TMPRSS2: variants seen among roughly 807,000 people sequenced by gnomAD.
TMPRSS2 encodes transmembrane serine protease 2, also known as transmembrane protease serine 2.
TMPRSS2 carries 59 observed loss-of-function variants against 67.4 expected under a neutral mutation model. The observed-to-expected ratio is 0.88, with a 90% CI of 0.71 to 1.09. The LOEUF (loss-of-function observed/expected upper bound fraction) is 1.09. Among genes scored for constraint, TMPRSS2 ranks in the 50% least tolerant of loss-of-function variants. The probability of loss-of-function intolerance (pLI) is 0.00; values close to 1 mark genes in which losing one functional copy is unlikely to be tolerated. For synonymous variants in TMPRSS2, 257 were observed against 257.0 expected, an observed-to-expected ratio of 1.00 and a Z score of 0.00; for missense variants, 668 against 642.7, an observed-to-expected ratio of 1.04 and a Z score of -0.43.
At position 41,466,571 on chromosome 21, in the gene TMPRSS2, T is replaced by A. The variant is rs1459553721; in HGVS notation, c.1468-418A>T. Reference sequence around the variant, plus strand: ...AGCCCTGCCAGCTTCCCTCCTGCCCTGCCTCCTCCTCCTGGGGTCATCTGT... The same window carrying A: ...AGCCCTGCCAGCTTCCCTCCTGCCCAGCCTCCTCCTCCTGGGGTCATCTGT... On this transcript the variant is annotated intron_variant, in intron 13 of 13. Coordinates refer to ENST00000332149, the MANE Select transcript of TMPRSS2 (RefSeq NM_005656.4). Among the ~76,000 whole-genome samples, 7 of 152,310 alleles carry A rather than the reference T, an allele frequency of 4.6e-5. No homozygotes were observed. In the East Asian group the frequency reaches 1.4e-3, roughly 29 times the overall value.
chr21:41,479,182 G>A lies in TMPRSS2; in HGVS notation c.673C>T (p.Leu225=). 6.2e-7 allele frequency: 1 copy of A among 1,613,694 alleles called. No individual in the cohort carries two copies. The highest frequency in any genetic ancestry group is 8.5e-7 in the Non-Finnish European group (1 of 1,179,780). Residue 225 remains leucine (L), a synonymous_variant, in exon 7 of 14, where the codon CTG becomes TTG. Transcript: ENST00000332149. The part of the protein sequence containing the change: ...SAGNVDIYKK[L]YHSDACSSKA... Reference sequence around the variant, plus strand: ...GAAATTGCTGCATACCTGTGGTACAGTTTTTTATAGATATCGACATTGCCG... The same window carrying A: ...GAAATTGCTGCATACCTGTGGTACAATTTTTTATAGATATCGACATTGCCG...
Position 41,484,784 on chromosome 21 carries a change from A to G in TMPRSS2, c.445+3610T>C, listed in dbSNP as rs549990870. 8.9e-4 allele frequency among the ~76,000 whole-genome samples: 135 copies of G among 152,184 alleles called. 2 individuals carry two copies. The highest frequency in any genetic ancestry group is 3.4e-3 in the Middle Eastern group (1 of 294). On this transcript the variant is annotated intron_variant, in intron 5 of 13. Transcript: ENST00000332149. Reference sequence around the variant, plus strand: ...TGTGTGTTACAGCAAAAGGATGGAGAAAACCTTAAGGTCCACCAAGAAGAG... The same window carrying G: ...TGTGTGTTACAGCAAAAGGATGGAGGAAACCTTAAGGTCCACCAAGAAGAG...
intron 2 of TMPRSS2, among the ~76,000 whole-genome samples, chr21:41,495,294 A>G (rs1489806659): frequency 6.6e-6 from 1 of 152,016 alleles, no homozygotes; most frequent in African/African-American, 2.4e-5. Flanking sequence ...TTTATTCACG[A>G]TTACAGTTGA....
intron 1 of TMPRSS2, among the ~76,000 whole-genome samples, chr21:41,503,541 A>G (rs373611430): frequency 1.7e-4 from 26 of 152,366 alleles, no homozygotes; most frequent in East Asian, 5.8e-4. Flanking sequence ...TATGTGGAAA[A>G]GGAATTCAGT....
chr21:41,469,174 G>C (rs1170294791), intron 11 of TMPRSS2, among the ~76,000 whole-genome samples: 1 of 151,814 alleles, frequency 6.6e-6, no homozygotes, highest in African/African-American at 2.4e-5. Flanking sequence ...GGCACCACCC[G>C]CCACCCTGGG....
chr21:41,488,123 A>T (rs2091311078), intron 5 of TMPRSS2: 1 of 312,378 alleles, frequency 3.2e-6, no homozygotes, highest in Non-Finnish European at 6.3e-6. Context: ...CAGTTTGCTC[A>T]TCTTAACTGA....
intron 7 of TMPRSS2, 34 bp downstream of exon 7, chr21:41,479,138 T>C: frequency 6.5e-7 from 1 of 1,540,328 alleles, no homozygotes; most frequent in South Asian, 1.1e-5. Flanking sequence ...GTTGATTTCA[T>C]TCCAAAATTT....
intron 3 of TMPRSS2, 78 bp downstream of exon 3, chr21:41,494,278 G>C: frequency 6.8e-7 from 1 of 1,466,248 alleles, no homozygotes; most frequent in Non-Finnish European, 9.4e-7. Context: ...CAGTGGTGTT[G>C]GGAGCAGAGA....
At chr21:41,496,063 A>G (rs184876485) in intron 2 of TMPRSS2, among the ~76,000 whole-genome samples, 1 of 152,348 alleles carries the variant, frequency 6.6e-6, no homozygotes, top group African/African-American at 2.4e-5. Context: ...ATTGATATAC[A>G]AAACTGTAAA....
chr21:41,476,894 G>A (rs76973757), intron 7 of TMPRSS2, among the ~76,000 whole-genome samples: 2,368 of 152,294 alleles, frequency 0.016, 61 homozygotes, highest in African/African-American at 0.054. Flanking sequence ...TCCTAGGACG[G>A]TTGTGAGGGT....
intron 1 of TMPRSS2, among the ~76,000 whole-genome samples, chr21:41,503,125 A>G (rs529632831): frequency 2.0e-5 from 3 of 152,210 alleles, no homozygotes; most frequent in Non-Finnish European, 2.9e-5. Flanking sequence ...AGGAAAAAAT[A>G]TATATTTTTT....
In TMPRSS2 at chr21:41,489,492, G is replaced by A. The variant is rs2146469275; in HGVS notation, c.325+15C>T. The A allele has an allele frequency of 6.2e-7, 1 of 1,611,720 alleles. No individual in the cohort carries two copies. Among genetic ancestry groups the A allele is most frequent in the South Asian group, 1.1e-5 (1 of 90,938 alleles). On this transcript the variant is annotated intron_variant, in intron 4 of 13. Coordinates refer to ENST00000332149, the MANE Select transcript of TMPRSS2 (RefSeq NM_005656.4). ...TGCAGGAGCACATGGTGGGATCGAG[G>A]CTCCCTGCACTTACTGAACTTCCAG...
intron 8 of TMPRSS2, 83 bp from the exon 9 acceptor site, chr21:41,473,579 T>G: frequency 7.0e-7 from 1 of 1,438,368 alleles, no homozygotes. Flanking sequence ...CCCAAGGGTC[T>G]CCCAGGCTGC....
chr21:41,503,863 T>A (rs750551311), intron 1 of TMPRSS2, among the ~76,000 whole-genome samples: 26 of 152,056 alleles, frequency 1.7e-4, no homozygotes, highest in Admixed American at 5.9e-4. Flanking sequence ...GTCAGCAAAT[T>A]CTCTGTTATC....
In TMPRSS2 at chr21:41,464,366, G is replaced by T. The variant is rs1442632639; in HGVS notation, c.*1776C>A. 3.3e-5 allele frequency among the ~76,000 whole-genome samples: 5 copies of T among 152,118 alleles called. No individual in the cohort carries two copies. The highest frequency in any genetic ancestry group is 1.9e-4 in the East Asian group (1 of 5,194). ...TGGAAACAGACTAATAGAATAATAAGAAGGAGTCATTTGAGGGACCTCTCC... is the reference window on the plus strand; with the variant it reads ...TGGAAACAGACTAATAGAATAATAATAAGGAGTCATTTGAGGGACCTCTCC... On this transcript the variant is annotated 3_prime_UTR_variant, in exon 14 of 14. Transcript: ENST00000332149.
intron 10 of TMPRSS2, among the ~76,000 whole-genome samples, chr21:41,471,401 C>T (rs1350042882): frequency 6.6e-6 from 1 of 152,238 alleles, no homozygotes; most frequent in Non-Finnish European, 1.5e-5. Context: ...TTGGCAATGT[C>T]AGCAGGCAAC....
At chr21:41,473,937 A>G (rs1204609445) in intron 8 of TMPRSS2, among the ~76,000 whole-genome samples, 2 of 80,998 alleles carry the variant, frequency 2.5e-5, no homozygotes. Context: ...GTGAGTGAGG[A>G]GTGAGGAGGT....
rs2091431353 is a variant in TMPRSS2 at position 41,502,546 on chromosome 21, G to T, written c.-56-4357C>A. The T allele has an allele frequency of 5.1e-6, 5 of 985,232 alleles. No homozygotes were observed. The Admixed American group carries it at 2.5e-4, about 49-fold the overall frequency. The allele number at this position is 985,232 out of a possible 1,614,324, so 61.0% of individuals were successfully genotyped here. A position where few individuals can be genotyped will look rare whatever the true frequency, so the allele number is the denominator to read the frequency against. Reference sequence around the variant, plus strand: ...CATCCACGGACACATCCCAGCCAATGACCAAATCATCAAAAAGAGCCCTTT... The same window carrying T: ...CATCCACGGACACATCCCAGCCAATTACCAAATCATCAAAAAGAGCCCTTT... On this transcript the variant is annotated intron_variant, in intron 1 of 13. Coordinates refer to ENST00000332149, the MANE Select transcript of TMPRSS2 (RefSeq NM_005656.4).
rs2091237631 is a variant in TMPRSS2 at position 41,479,092 on chromosome 21, C to CA, written c.683+79dup. 3 of 1,119,204 alleles carry CA rather than the reference C, an allele frequency of 2.7e-6. No individual in the cohort carries two copies. In the East Asian group the frequency reaches 7.1e-5, roughly 26 times the overall value. The allele number at this position is 1,119,204 out of a possible 1,614,324, so 69.3% of individuals were successfully genotyped here. ...ACCGAGTATTGCAGCTCAGAGAAAT[C>CA]AGACTCAGGACAACGATTCCCCATG... On this transcript the variant is annotated intron_variant, in intron 7 of 13. Transcript: ENST00000332149.
Sources: allele counts gnomAD v4.1 joint callset (sites outside exome capture counted in the v4.1 genomes callset), GRCh38; gene constraint gnomAD v4.1.1; transcripts MANE v1.5; gene names NCBI Gene and HGNC (gene_info 2026-07-23, HGNC 2026-07-21).